The following AMPD1 variants were observed in gnomAD, a reference collection of about 807,000 sequenced individuals.
AMPD1 encodes AMP deaminase 1.
A neutral mutation model predicts 82.9 loss-of-function variants in AMPD1; 74 were observed. The observed-to-expected ratio is 0.89, with a 90% CI of 0.74 to 1.08. The LOEUF is 1.08. Among genes scored for constraint, AMPD1 ranks in the 50% least tolerant of loss-of-function variants. AMPD1 has a pLI of 0.00. For synonymous variants in AMPD1, 333 were observed against 320.5 expected (o/e 1.04, Z -0.42); for missense variants, 881 against 924.5 (o/e 0.95, Z 0.61).
chr1:114,676,105 G>T, intron 10 of AMPD1, 102 bp from the exon 11 acceptor site: 1 of 1,350,906 alleles, frequency 7.4e-7, no homozygotes. Flanking sequence ...CACAGGAAAA[G>T]ACGTGGTATA....
intron 10 of AMPD1, 82 bp from the exon 11 acceptor site, chr1:114,676,085 G>C: frequency 6.7e-7 from 1 of 1,490,848 alleles, no homozygotes. Context: ...CCAGAGAATC[G>C]AATGTCATGC....
intron 1 of AMPD1, among the ~76,000 whole-genome samples, chr1:114,694,155 G>A (rs929538016): frequency 6.6e-6 from 1 of 152,092 alleles, no homozygotes; most frequent in African/African-American, 2.4e-5. Flanking sequence ...GGTGGAGCTT[G>A]CAGTGAGCCA....
chr1:114,695,502 A>G lies in AMPD1; in HGVS notation c.-31T>C, dbSNP rs1557976753. On this transcript the variant is annotated 5_prime_UTR_variant, in exon 1 of 16. Coordinates refer to ENST00000520113, the MANE Select transcript of AMPD1 (RefSeq NM_000036.3). Reference sequence around the variant, plus strand: ...CTGAAATCCTTGATTCTAGGATAGCACAGTAGAAAAGAAGAGAGAGGAGAC... The same window carrying G: ...CTGAAATCCTTGATTCTAGGATAGCGCAGTAGAAAAGAAGAGAGAGGAGAC... The G allele has an allele frequency of 3.1e-6, 5 of 1,614,018 alleles. No homozygotes were observed. Among genetic ancestry groups the G allele is most frequent in the African/African-American group, 1.3e-5 (1 of 74,924 alleles).
intron 5 of AMPD1, among the ~76,000 whole-genome samples, chr1:114,683,450 A>G: frequency 6.6e-6 from 1 of 152,088 alleles, no homozygotes; most frequent in East Asian, 1.9e-4. Flanking sequence ...TTCAAAAATA[A>G]ACAGGCCGGG....
chr1:114,683,399 G>A (rs1165745193), intron 5 of AMPD1, among the ~76,000 whole-genome samples: 1 of 152,118 alleles, frequency 6.6e-6, no homozygotes, highest in Non-Finnish European at 1.5e-5. Context: ...TATAAAAATG[G>A]AGCAGAGAAA....
At chr1:114,688,482 A>G (rs972428406) in intron 3 of AMPD1, 79 bp downstream of exon 3, 35 of 1,506,030 alleles carry the variant, frequency 2.3e-5, no homozygotes, top group Middle Eastern at 4.1e-4. Flanking sequence ...CATCATTTGG[A>G]TAAATTGAAC....
chr1:114,682,610 C>G (rs55999139), intron 5 of AMPD1, among the ~76,000 whole-genome samples: 6,917 of 150,782 alleles, frequency 0.046, 237 homozygotes, highest in Non-Finnish European at 0.07. Flanking sequence ...ACGGAGTCTC[C>G]CTCTGTCGCC....
At chr1:114,688,862 A>G (rs773633384) in intron 2 of AMPD1, 121 bp from the exon 3 acceptor site, 14 of 1,123,532 alleles carry the variant, frequency 1.2e-5, no homozygotes, top group Non-Finnish European at 1.8e-5. Context: ...CTGCTTTCCA[A>G]CCAGGGTCCA....
At position 114,677,460 on chromosome 1, in the gene AMPD1, A is replaced by T; in HGVS notation, c.1279T>A (p.Ser427Thr). 1 of 1,613,152 alleles carries T rather than the reference A, an allele frequency of 6.2e-7. No individual in the cohort carries two copies. Among genetic ancestry groups the T allele is most frequent in the Admixed American group, 1.7e-5 (1 of 59,874 alleles). ...TCATCAGGACTGCGGCCATAGATGG[A>T]CAGGCGGGGCTCAGCATGCTGGTAC... ...AKYQHAEPRL[S>T]IYGRSPDEWS... Residue 427 changes from serine to threonine, a missense_variant, in exon 10 of 16, where the codon TCC becomes ACC. Physicochemically the swap from Ser to Thr is moderately conservative, Grantham distance 58 (BLOSUM62 1). Around this residue, in one of 2 missense-constraint regions of AMPD1, gnomAD observed 783 missense variants for 786.4 expected, o/e 1.00. Coordinates refer to ENST00000520113, the MANE Select transcript of AMPD1 (RefSeq NM_000036.3).
chr1:114,681,522 G>T (rs1658157948), intron 5 of AMPD1, among the ~76,000 whole-genome samples: 1 of 112,552 alleles, frequency 8.9e-6, no homozygotes, highest in South Asian at 3.2e-4. Flanking sequence ...TTGAACCTAG[G>T]AGATGGAGGT....
In AMPD1 at chr1:114,675,978, G is replaced by T. The variant is rs761635115; in HGVS notation, c.1414C>A (p.Leu472Ile). The T allele has an allele frequency of 7.4e-6, 12 of 1,613,950 alleles. No homozygotes were observed. Among genetic ancestry groups the T allele is most frequent in the Admixed American group, 1.7e-5 (1 of 59,996 alleles). Residue 472 changes from leucine to isoleucine, a missense_variant, in exon 11 of 16, where the codon CTT becomes ATT. By Grantham distance (5) the Leu-to-Ile change is conservative. Around this residue, in one of 2 missense-constraint regions of AMPD1, gnomAD observed 783 missense variants for 786.4 expected, o/e 1.00. Coordinates refer to ENST00000520113, the MANE Select transcript of AMPD1 (RefSeq NM_000036.3). ...IYDVFRSKNF[L>I]PHFGKMLENI... ...TCCAGCATTTTTCCAAAATGTGGAA[G>T]GAAATTCTTGGAACGGAACACATCA...
chr1:114,680,233 T>C (rs1013013843), intron 6 of AMPD1, 26 bp downstream of exon 6: 4 of 1,575,428 alleles, frequency 2.5e-6, no homozygotes, highest in Admixed American at 1.7e-5. Context: ...CTAGTTGTTG[T>C]TGTTTAGGTC....
intron 2 of AMPD1, among the ~76,000 whole-genome samples, chr1:114,693,222 A>G: frequency 6.7e-6 from 1 of 149,760 alleles, no homozygotes; most frequent in African/African-American, 2.4e-5. Flanking sequence ...TTATATATAT[A>G]TATATGTTTA....
In AMPD1 at chr1:114,680,286, A is replaced by T; in HGVS notation, c.740T>A (p.Leu247Ter). The T allele has an allele frequency of 6.2e-7, 1 of 1,614,092 alleles. No individual in the cohort carries two copies. The highest frequency in any genetic ancestry group is 8.5e-7 in the Non-Finnish European group (1 of 1,180,030). The change falls in exon 6 of 16, where the codon TTA (leucine) becomes TAA (stop). Residue 247 changes from leucine to a stop codon, truncating the protein, a stop_gained. Coordinates refer to ENST00000520113, the MANE Select transcript of AMPD1 (RefSeq NM_000036.3). LOFTEE classifies it high-confidence loss of function. ...LDTFLDDMNF[L>*]LALIAQGPVK... ...AGGTCCTTGAGCAATTAAAGCAAGT[A>T]AAAAATTCATATCGTCTAAGAAGGT... is the stretch of plus-strand genomic sequence containing the variant.
chr1:114,693,581 G>GT (rs1313150130), intron 1 of AMPD1, 134 bp from the exon 2 acceptor site: 1 of 767,554 alleles, frequency 1.3e-6, no homozygotes, highest in East Asian at 2.5e-5. Context: ...CTTGTCTACA[G>GT]TTTTCTGCCA....
chr1:114,678,469 A>G lies in AMPD1; in HGVS notation c.956T>C (p.Ile319Thr). The G allele has an allele frequency of 3.1e-6, 5 of 1,614,232 alleles. No homozygotes were observed. Among genetic ancestry groups the G allele is most frequent in the Non-Finnish European group, 4.2e-6 (5 of 1,180,046 alleles). Residue 319 changes from isoleucine to threonine, a missense_variant, in exon 8 of 16, where the codon ATT (isoleucine) becomes ACT (threonine). Coordinates refer to ENST00000520113, the MANE Select transcript of AMPD1 (RefSeq NM_000036.3). ...AGCATCAATTTGGTAAGATTTCTTA[A>G]TAAAACGCAGCAGATGTTTCTGGTT... ...CMNQKHLLRFIKKSYQIDADR... is the reference protein window; with the variant it reads ...CMNQKHLLRFTKKSYQIDADR...
chr1:114,692,320 T>C (rs1658538579), intron 2 of AMPD1, among the ~76,000 whole-genome samples: 1 of 152,152 alleles, frequency 6.6e-6, no homozygotes, highest in Admixed American at 6.5e-5. Flanking sequence ...AGACCTACTA[T>C]CAGTCAGCAA....
In AMPD1 at chr1:114,675,902, G is replaced by A; in HGVS notation, c.1490C>T (p.Pro497Leu). The A allele has an allele frequency of 6.2e-7, 1 of 1,614,148 alleles. No individual in the cohort carries two copies. Among genetic ancestry groups the A allele is most frequent in the Non-Finnish European group, 8.5e-7 (1 of 1,180,034 alleles). The change falls in exon 11 of 16, where the codon CCA (proline) becomes CTA (leucine). Residue 497 changes from proline to leucine, a missense_variant. Physicochemically the swap from Pro to Leu is moderately conservative, Grantham distance 98. Transcript: ENST00000520113. The part of the protein sequence containing the change: ...FEATINPQAD[P>L]ELSVFLKHIT... ...ATGCTTGAGGAAGACACTGAGTTCT[G>A]GGTCAGCCTGGGGGTTGATGGTGGC...
At chr1:114,687,081 G>A in intron 3 of AMPD1, 171 bp from the exon 4 acceptor site, 1 of 724,366 alleles carries the variant, frequency 1.4e-6, no homozygotes, top group Non-Finnish European at 2.4e-6. Context: ...AATCACTGAA[G>A]ACACATGACC....
Sources: gnomAD v4.1 joint callset for allele counts (sites outside exome capture counted in the v4.1 genomes callset) on GRCh38, gnomAD v4.1.1 for gene constraint, gnomAD v4.1.1 regional missense constraint, MANE v1.5 for transcripts, NCBI Gene and HGNC (gene_info 2026-07-23, HGNC 2026-07-21) for gene names.